MCTP1: variants seen among roughly 807,000 people sequenced by gnomAD.
MCTP1 encodes the protein multiple C2 and transmembrane domain containing 1, also known as multiple C2 and transmembrane domain-containing protein 1.
MCTP1 carries 69 observed loss-of-function variants against 120.6 expected under a neutral mutation model. The observed-to-expected ratio is 0.57, with a 90% CI of 0.47 to 0.70. The LOEUF (loss-of-function observed/expected upper bound fraction) is 0.70, where lower values mean the gene tolerates loss of function less well. MCTP1 is among the 30% of genes least tolerant of loss of function. The pLI, the probability that MCTP1 is intolerant of heterozygous loss-of-function variation, is 0.00. For missense variants in MCTP1, 1,203 were observed against 1,248.8 expected (o/e 0.96, Z 0.55); for synonymous variants, 529 against 493.1 (o/e 1.07, Z -0.96).
At chr5:95,175,753 C>T (rs927729933) in intron 1 of MCTP1, among the ~76,000 whole-genome samples, 1 of 152,130 alleles carries the variant, frequency 6.6e-6, no homozygotes, top group Non-Finnish European at 1.5e-5. Context: ...AACAAGGTGT[C>T]CTCAGCACGG....
intron 4 of MCTP1, among the ~76,000 whole-genome samples, chr5:94,941,602 T>G (rs1310188683): frequency 6.6e-6 from 1 of 151,998 alleles, no homozygotes; most frequent in Non-Finnish European, 1.5e-5. Flanking sequence ...CAGCCAGGAA[T>G]TCCTTCTCCT....
chr5:95,219,850 C>G, intron 1 of MCTP1, among the ~76,000 whole-genome samples: 1 of 152,146 alleles, frequency 6.6e-6, no homozygotes, highest in South Asian at 2.1e-4. Context: ...AAATACTAAG[C>G]TACTAAGGTA....
chr5:95,265,935 T>A (rs898437105), intron 1 of MCTP1, among the ~76,000 whole-genome samples: 35 of 152,260 alleles, frequency 2.3e-4, no homozygotes, highest in African/African-American at 7.2e-4. Flanking sequence ...CAAAGGAATC[T>A]CGCTTCTGAA....
chr5:94,731,299 A>G (rs1763081787), intron 19 of MCTP1, among the ~76,000 whole-genome samples: 1 of 152,168 alleles, frequency 6.6e-6, no homozygotes, highest in African/African-American at 2.4e-5. Context: ...AAGTCAAAAG[A>G]TTGGACACCC....
At chr5:95,020,713 T>A (rs1173205751) in intron 1 of MCTP1, among the ~76,000 whole-genome samples, 1 of 152,046 alleles carries the variant, frequency 6.6e-6, no homozygotes, top group Non-Finnish European at 1.5e-5. Flanking sequence ...TTAAAATTCC[T>A]TTTATAATTT....
At chr5:95,185,629 A>G (rs1295330587) in intron 1 of MCTP1, among the ~76,000 whole-genome samples, 1 of 152,136 alleles carries the variant, frequency 6.6e-6, no homozygotes, top group Non-Finnish European at 1.5e-5. Flanking sequence ...CTAAAAATAG[A>G]AAATTAGCCA....
intron 3 of MCTP1, among the ~76,000 whole-genome samples, chr5:94,952,393 G>A (rs1421324159): frequency 1.3e-5 from 2 of 152,012 alleles, no homozygotes; most frequent in Non-Finnish European, 2.9e-5. Context: ...CCTTTCTGTG[G>A]AGGAAAGAAA....
At chr5:95,147,119 C>T (rs142612029) in intron 1 of MCTP1, among the ~76,000 whole-genome samples, 396 of 152,168 alleles carry the variant, frequency 2.6e-3, no homozygotes, top group African/African-American at 9.2e-3. Context: ...CAGAGTCTCA[C>T]TCTGTTGACC....
intron 19 of MCTP1, among the ~76,000 whole-genome samples, chr5:94,736,277 T>C (rs1026876900): frequency 5.9e-5 from 9 of 152,032 alleles, no homozygotes; most frequent in African/African-American, 2.2e-4. Context: ...TTGCTTAAGC[T>C]CAGGAATTTG....
intron 12 of MCTP1, among the ~76,000 whole-genome samples, chr5:94,888,617 A>T (rs995748668): frequency 1.4e-4 from 22 of 152,222 alleles, no homozygotes; most frequent in African/African-American, 5.3e-4. Context: ...TATTCCTACT[A>T]CATTGATTAA....
chr5:94,717,435 G>A (rs113357599), intron 19 of MCTP1, among the ~76,000 whole-genome samples: 11,104 of 152,084 alleles, frequency 0.073, 448 homozygotes, highest in South Asian at 0.12. Flanking sequence ...GGCAAAAGCT[G>A]GTAGCATTCC....
chr5:94,804,738 T>A lies in MCTP1; in HGVS notation c.2437-5606A>T, dbSNP rs563254472. Among the ~76,000 whole-genome samples, 7 of 152,344 alleles carry A rather than the reference T, an allele frequency of 4.6e-5. No homozygotes were observed. In the South Asian group the frequency reaches 1.5e-3, roughly 32 times the overall value. ...CAGGCGTGAGCCACCACACCAGGCC[T>A]ATGCTTTTCAAATTATAAATTAATT... On this transcript the variant is annotated intron_variant, in intron 17 of 22. Coordinates refer to ENST00000515393, the MANE Select transcript of MCTP1 (RefSeq NM_024717.7).
chr5:94,847,466 G>A (rs1390632719), intron 17 of MCTP1, among the ~76,000 whole-genome samples: 2 of 151,748 alleles, frequency 1.3e-5, no homozygotes, highest in Non-Finnish European at 2.9e-5. Context: ...TCAAATTTCC[G>A]ATGTTTTACT....
chr5:95,143,863 C>G (rs925483986), intron 1 of MCTP1, among the ~76,000 whole-genome samples: 1 of 152,148 alleles, frequency 6.6e-6, no homozygotes, highest in Admixed American at 6.5e-5. Context: ...CAGTGATGAA[C>G]ATAGAAGTGC....
intron 19 of MCTP1, among the ~76,000 whole-genome samples, chr5:94,717,028 C>T (rs306577): frequency 0.88 from 134,342 of 152,110 alleles, 59,449 homozygotes; most frequent in African/African-American, 0.93. Context: ...TGGGTAGTTG[C>T]GTTAACTATT....
intron 1 of MCTP1, among the ~76,000 whole-genome samples, chr5:95,145,704 A>G (rs1240410572): frequency 1.3e-5 from 2 of 152,100 alleles, no homozygotes; most frequent in Non-Finnish European, 2.9e-5. Context: ...ATTGGTTTGC[A>G]TATGTTGAAC....
chr5:95,046,612 A>G (rs2151952820), intron 1 of MCTP1, among the ~76,000 whole-genome samples: 1 of 152,274 alleles, frequency 6.6e-6, no homozygotes, highest in South Asian at 2.1e-4. Context: ...TCAAGTTCTC[A>G]GTGTTTTACA....
chr5:94,822,765 G>T (rs1162615356), intron 17 of MCTP1, among the ~76,000 whole-genome samples: 1 of 152,142 alleles, frequency 6.6e-6, no homozygotes, highest in Non-Finnish European at 1.5e-5. Context: ...GGCATGAGAT[G>T]GTATCTCACT....
chr5:94,772,716 A>G (rs1774357959), intron 19 of MCTP1, among the ~76,000 whole-genome samples: 1 of 152,314 alleles, frequency 6.6e-6, no homozygotes, highest in East Asian at 1.9e-4. Context: ...AACAGTCTCT[A>G]GCTGGGGTGA....
Sources: gnomAD v4.1 joint callset for allele counts (sites outside exome capture counted in the v4.1 genomes callset) on GRCh38, gnomAD v4.1.1 for gene constraint, MANE v1.5 for transcripts, NCBI Gene and HGNC (gene_info 2026-07-23, HGNC 2026-07-21) for gene names.